Variants in PCCA observed in about 807,000 individuals in gnomAD.
The protein encoded by PCCA is propionyl-CoA carboxylase subunit alpha, also known as propionyl-CoA carboxylase alpha chain, mitochondrial.
A neutral mutation model predicts 101.3 loss-of-function variants in PCCA; 74 were observed. The observed-to-expected ratio is 0.73, with a 90% CI of 0.61 to 0.89. PCCA has a LOEUF of 0.89. PCCA is among the 40% of genes least tolerant of loss of function. The pLI is 0.00. For synonymous variants in PCCA, 294 were observed against 313.6 expected (o/e 0.94, Z 0.66); for missense variants, 891 against 907.0 (o/e 0.98, Z 0.23).
At chr13:100,495,658 G>A (rs1210721095) in intron 21 of PCCA, among the ~76,000 whole-genome samples, 1 of 152,128 alleles carries the variant, frequency 6.6e-6, no homozygotes, top group Non-Finnish European at 1.5e-5. Context: ...CAGCACCCTG[G>A]AATTGTGCCA....
chr13:100,314,843 C>T (rs1166177787), intron 16 of PCCA, among the ~76,000 whole-genome samples: 1 of 152,174 alleles, frequency 6.6e-6, no homozygotes, highest in Non-Finnish European at 1.5e-5. Flanking sequence ...TGGTTTAGAT[C>T]CTGGACCAGA....
At position 100,112,038 on chromosome 13, in the gene PCCA, C is replaced by A; in HGVS notation, c.277C>A (p.His93Asn). 2.5e-6 allele frequency: 4 copies of A among 1,610,104 alleles called. No individual in the cohort carries two copies. Among genetic ancestry groups the A allele is most frequent in the Non-Finnish European group, 3.4e-6 (4 of 1,178,000 alleles). ...GATGGGCATTAAGACAGTTGCCATC[C>A]ACAGTGATGTTGATGCTAGTTCTGT... ...KKMGIKTVAIHSDVDASSVHV... is the reference protein window; with the variant it reads ...KKMGIKTVAINSDVDASSVHV... The change falls in exon 4 of 24, where the codon CAC becomes AAC. Residue 93 changes from histidine (H) to asparagine (N), a missense_variant. His to Asn is a moderately conservative substitution (Grantham distance 68). Transcript: ENST00000376285.
chr13:100,095,891 C>T (rs74867703), intron 1 of PCCA, among the ~76,000 whole-genome samples: 6,548 of 151,108 alleles, frequency 0.043, 225 homozygotes, highest in Non-Finnish European at 0.064. Context: ...TAGTACGTAG[C>T]GAATGTCTTA....
At chr13:100,286,076 G>T (rs1408385271) in intron 12 of PCCA, among the ~76,000 whole-genome samples, 3 of 152,210 alleles carry the variant, frequency 2.0e-5, no homozygotes, top group East Asian at 3.9e-4. Context: ...ATACCCCTCT[G>T]CATGTGTGTG....
At chr13:100,194,452 C>G (rs987844297) in intron 6 of PCCA, among the ~76,000 whole-genome samples, 1 of 152,220 alleles carries the variant, frequency 6.6e-6, no homozygotes, top group Admixed American at 6.5e-5. Context: ...GAGTCTCCCT[C>G]TGTCGCCCAG....
chr13:100,449,341 C>T lies in PCCA; in HGVS notation c.1899+36C>T, dbSNP rs745936857. 7 of 1,300,720 alleles carry T rather than the reference C, an allele frequency of 5.4e-6. No individual in the cohort carries two copies. The South Asian group carries it at 7.8e-5, about 15-fold the overall frequency. The allele number at this position is 1,300,720 out of a possible 1,614,324, so 80.6% of individuals were successfully genotyped here. A position where few individuals can be genotyped will look rare whatever the true frequency, so the allele number is the denominator to read the frequency against. ...AATCATTCTTTATTCTCTTAATTTA[C>T]AGAGAAAAAATGTTCAACTAGTTGT... On this transcript the variant is annotated intron_variant, in intron 21 of 23. Transcript: ENST00000376285.
chr13:100,413,697 A>G (rs964830601), intron 19 of PCCA, among the ~76,000 whole-genome samples: 10 of 152,294 alleles, frequency 6.6e-5, no homozygotes, highest in South Asian at 2.1e-4. Flanking sequence ...CATATGAGAA[A>G]ATGGACACAT....
intron 19 of PCCA, among the ~76,000 whole-genome samples, chr13:100,414,228 A>G (rs927733680): frequency 6.6e-6 from 1 of 152,184 alleles, no homozygotes; most frequent in African/African-American, 2.4e-5. Context: ...ATTATTACAT[A>G]TATATTTGGG....
intron 19 of PCCA, among the ~76,000 whole-genome samples, chr13:100,408,170 GA>G (rs2077804569): frequency 6.6e-6 from 1 of 152,120 alleles, no homozygotes; most frequent in Non-Finnish European, 1.5e-5. Flanking sequence ...AAACAAACTT[GA>G]TAAGTTGTTT....
At chr13:100,200,685 T>C (rs1016577287) in intron 6 of PCCA, among the ~76,000 whole-genome samples, 5 of 150,650 alleles carry the variant, frequency 3.3e-5, no homozygotes, top group African/African-American at 9.7e-5. Context: ...ACTATATAAA[T>C]ATGTTTAAAT....
intron 12 of PCCA, among the ~76,000 whole-genome samples, chr13:100,292,934 C>CGTGTGTGTGTGTGTGTGTGTGT (rs36098330): frequency 2.7e-4 from 40 of 147,674 alleles, no homozygotes; most frequent in African/African-American, 7.8e-4. Context: ...TTTCCAAATT[C>CGTGTGTGTGTGTGTGTGTGTGT]GTGTGTGTGT....
rs116540580 is a variant in PCCA at position 100,101,413 on chromosome 13, G to T, written c.106-1470G>T. 8.2e-3 allele frequency among the ~76,000 whole-genome samples: 1,255 copies of T among 152,210 alleles called. 19 individuals carry two copies. Among genetic ancestry groups the T allele is most frequent in the African/African-American group, 0.029 (1,204 of 41,514 alleles). ...GGGGATAATACTCTTGTAACTCACA[G>T]TTATGCTTGAAGGAATATATGAGAG... is the stretch of plus-strand genomic sequence containing the variant. On this transcript the variant is annotated intron_variant, in intron 1 of 23. Coordinates refer to ENST00000376285, the MANE Select transcript of PCCA (RefSeq NM_000282.4).
chr13:100,163,679 CAG>C (rs2054729506), intron 6 of PCCA, among the ~76,000 whole-genome samples: 1 of 152,144 alleles, frequency 6.6e-6, no homozygotes, highest in Non-Finnish European at 1.5e-5. Flanking sequence ...AGTATAGTCA[CAG>C]AGTTATGTAA....
chr13:100,466,857 C>T (rs1566384353), intron 21 of PCCA, among the ~76,000 whole-genome samples: 2 of 143,074 alleles, frequency 1.4e-5, no homozygotes, highest in Non-Finnish European at 3.0e-5. Context: ...CAGTCCGTCT[C>T]AAAAAACAAA....
chr13:100,371,481 C>A (rs1186365031), intron 19 of PCCA, among the ~76,000 whole-genome samples: 1 of 152,076 alleles, frequency 6.6e-6, no homozygotes, highest in East Asian at 1.9e-4. Flanking sequence ...AATATCAGTA[C>A]CTCTCAGCTA....
rs557259698 is a variant in PCCA at position 100,262,608 on chromosome 13, T to C, written c.717-121T>C. ...AAGCCAAAATAAATATTTAATCGAT[T>C]GTGTTTTCTTTTATAATGATAGCTC... On this transcript the variant is annotated intron_variant, in intron 9 of 23. Transcript: ENST00000376285. 1.0e-5 allele frequency: 7 copies of C among 688,826 alleles called. No individual in the cohort carries two copies. In the East Asian group the frequency reaches 1.5e-4, roughly 15 times the overall value. The allele number at this position is 688,826 out of a possible 1,614,324, so 42.7% of individuals were successfully genotyped here.
chr13:100,223,448 C>T (rs1566740510), intron 7 of PCCA, among the ~76,000 whole-genome samples: 1 of 151,958 alleles, frequency 6.6e-6, no homozygotes. Context: ...TAAGGTGGCA[C>T]GTCTGGAGTT....
At chr13:100,179,092 ATATAT>A (rs1403722776) in intron 6 of PCCA, among the ~76,000 whole-genome samples, 12 of 109,530 alleles carry the variant, frequency 1.1e-4, no homozygotes, top group African/African-American at 4.9e-4. Flanking sequence ...AAAAAAAAAA[ATATAT>A]ATATATATAT....
chr13:100,127,335 CTT>C (rs1165469139), intron 4 of PCCA, among the ~76,000 whole-genome samples: 4 of 151,974 alleles, frequency 2.6e-5, no homozygotes, highest in Non-Finnish European at 5.9e-5. Flanking sequence ...TTGTTAATAA[CTT>C]ATACTGAAGT....
Sources: allele counts gnomAD v4.1 joint callset (sites outside exome capture counted in the v4.1 genomes callset), GRCh38; gene constraint gnomAD v4.1.1; transcripts MANE v1.5; gene names NCBI Gene and HGNC (gene_info 2026-07-23, HGNC 2026-07-21).